Variants in TAFA5 observed in about 807,000 individuals in gnomAD.
The protein encoded by TAFA5 is chemokine-like protein TAFA-5.
In TAFA5, 6 loss-of-function variants were observed where a neutral mutation model predicts 15.3. The observed-to-expected ratio is 0.39, with a 90% confidence interval of 0.21 to 0.77. The LOEUF (loss-of-function observed/expected upper bound fraction) is 0.77, where lower values mean the gene tolerates loss of function less well. TAFA5 is among the 30% of genes least tolerant of loss of function. The pLI, the probability that TAFA5 is intolerant of heterozygous loss-of-function variation, is 0.41. For synonymous variants in TAFA5, 103 were observed against 80.7 expected, an observed-to-expected ratio of 1.28 and a Z score of -1.48; for missense variants, 161 against 193.1, an observed-to-expected ratio of 0.83 and a Z score of 0.98.
intron 1 of TAFA5, among the ~76,000 whole-genome samples, chr22:48,585,558 C>T (rs1464612815): frequency 1.3e-5 from 2 of 151,466 alleles, no homozygotes; most frequent in Admixed American, 6.6e-5. Flanking sequence ...CTGCTCATAC[C>T]ACACAGCACA....
chr22:48,732,221 T>C (rs1327078237), intron 3 of TAFA5, among the ~76,000 whole-genome samples: 1 of 151,664 alleles, frequency 6.6e-6, no homozygotes, highest in Non-Finnish European at 1.5e-5. Context: ...GAGGTACTTC[T>C]TGGGGATAAG....
At position 48,568,770 on chromosome 22, in the gene TAFA5, C is replaced by G. The variant is rs1470619741; in HGVS notation, c.113-77827C>G. The stretch of plus-strand genomic sequence containing the variant: ...CCCACGAAGCCCATTGCTTTTTGCC[C>G]CATGCTGCCCCATGAGCCTGGACTG... On this transcript the variant is annotated intron_variant, in intron 1 of 3. Coordinates refer to ENST00000402357, the MANE Select transcript of TAFA5 (RefSeq NM_001082967.3). 4.6e-5 allele frequency among the ~76,000 whole-genome samples: 7 copies of G among 152,162 alleles called. No homozygotes were observed. In the East Asian group the frequency reaches 1.4e-3, roughly 29 times the overall value.
intron 3 of TAFA5, among the ~76,000 whole-genome samples, chr22:48,715,673 G>C (rs1041435745): frequency 6.6e-6 from 1 of 152,196 alleles, no homozygotes; most frequent in Admixed American, 6.5e-5. Context: ...CTGCTGGAGA[G>C]AAGAGGGGAG....
chr22:48,544,638 C>T (rs768583207), intron 1 of TAFA5: 1 of 463,662 alleles, frequency 2.2e-6, no homozygotes. Flanking sequence ...TTTCCACCCC[C>T]CTTCTTAAGG....
chr22:48,619,239 G>C (rs924187951), intron 1 of TAFA5, among the ~76,000 whole-genome samples: 1 of 152,190 alleles, frequency 6.6e-6, no homozygotes, highest in African/African-American at 2.4e-5. Flanking sequence ...TTTGTCTCTA[G>C]AGGGTGCCGT....
intron 2 of TAFA5, among the ~76,000 whole-genome samples, chr22:48,699,925 C>T (rs1928850579): frequency 6.6e-6 from 1 of 152,188 alleles, no homozygotes; most frequent in Admixed American, 6.5e-5. Flanking sequence ...GCACACCCCA[C>T]TGACACATTG....
intron 1 of TAFA5, among the ~76,000 whole-genome samples, chr22:48,603,439 G>A (rs1277151730): frequency 6.6e-6 from 1 of 152,228 alleles, no homozygotes; most frequent in Non-Finnish European, 1.5e-5. Context: ...AGTGGTGCCG[G>A]GTGTCTGACG....
chr22:48,491,058 A>G (rs1928135448), intron 1 of TAFA5, among the ~76,000 whole-genome samples: 1 of 152,140 alleles, frequency 6.6e-6, no homozygotes, highest in African/African-American at 2.4e-5. Flanking sequence ...TGTGGCACCG[A>G]GCGGGGAGGG....
intron 1 of TAFA5, among the ~76,000 whole-genome samples, chr22:48,612,346 C>T (rs1326701619): frequency 2.0e-5 from 3 of 152,204 alleles, no homozygotes; most frequent in Non-Finnish European, 2.9e-5. Context: ...GCAGGCCACG[C>T]GTGTCTCACA....
chr22:48,581,456 A>G (rs1924036703), intron 1 of TAFA5, among the ~76,000 whole-genome samples: 1 of 152,192 alleles, frequency 6.6e-6, no homozygotes. Context: ...ACAGTGCGAG[A>G]AAGCCGTGCG....
chr22:48,645,221 G>A (rs896949191), intron 1 of TAFA5, among the ~76,000 whole-genome samples: 2 of 152,154 alleles, frequency 1.3e-5, no homozygotes, highest in Non-Finnish European at 2.9e-5. Flanking sequence ...ACTGGCTGAG[G>A]GACAAGCTCC....
At chr22:48,664,882 C>A (rs926067244) in intron 2 of TAFA5, among the ~76,000 whole-genome samples, 1 of 152,184 alleles carries the variant, frequency 6.6e-6, no homozygotes, top group Admixed American at 6.5e-5. Context: ...AGTCATTCTG[C>A]GTGATGCTGC....
At chr22:48,541,545 G>C (rs527976576) in intron 1 of TAFA5, among the ~76,000 whole-genome samples, 1 of 152,296 alleles carries the variant, frequency 6.6e-6, no homozygotes, top group East Asian at 1.9e-4. Context: ...CCAGGTGTGA[G>C]GAGCCCAGGC....
chr22:48,530,397 G>A lies in TAFA5; in HGVS notation c.112+40693G>A, dbSNP rs1208726700. Among the ~76,000 whole-genome samples the A allele has an allele frequency of 2.6e-5, 4 of 152,192 alleles. No individual in the cohort carries two copies. Among genetic ancestry groups the A allele is most frequent in the Admixed American group, 6.5e-5 (1 of 15,282 alleles). On this transcript the variant is annotated intron_variant, in intron 1 of 3. Coordinates refer to ENST00000402357, the MANE Select transcript of TAFA5 (RefSeq NM_001082967.3). The surrounding 1 kb of genome is among the most constrained non-coding windows in gnomAD (Gnocchi z 6.0). ...TGGAGCCCAGAGAAGGAATGCACCG[G>A]GCACTGTCGTGGGGCCGGCATTCAA...
intron 1 of TAFA5, among the ~76,000 whole-genome samples, chr22:48,599,753 C>A (rs1175313140): frequency 1.3e-5 from 2 of 152,254 alleles, no homozygotes; most frequent in Non-Finnish European, 2.9e-5. Context: ...TTGCTCATCC[C>A]CAGCACTGCC....
chr22:48,515,830 G>C (rs1023175293), intron 1 of TAFA5, among the ~76,000 whole-genome samples: 1 of 152,132 alleles, frequency 6.6e-6, no homozygotes, highest in Non-Finnish European at 1.5e-5. Flanking sequence ...GCATTGGCCA[G>C]GGGATGGGGG....
chr22:48,681,432 C>A (rs567084062), intron 2 of TAFA5, among the ~76,000 whole-genome samples: 1 of 149,054 alleles, frequency 6.7e-6, no homozygotes, highest in South Asian at 2.1e-4. Context: ...TGCCTGAGCT[C>A]AGGAGTTCAG....
intron 1 of TAFA5, among the ~76,000 whole-genome samples, chr22:48,604,161 C>T (rs999555596): frequency 1.3e-5 from 2 of 152,184 alleles, no homozygotes; most frequent in African/African-American, 4.8e-5. Flanking sequence ...ATTGACGTGC[C>T]CAGCCACACA....
chr22:48,641,515 G>C (rs1172218385), intron 1 of TAFA5, among the ~76,000 whole-genome samples: 1 of 151,794 alleles, frequency 6.6e-6, no homozygotes, highest in East Asian at 1.9e-4. Context: ...CATTCTGATG[G>C]TGGCTGCCCC....
Sources: gnomAD v4.1 joint callset for allele counts (sites outside exome capture counted in the v4.1 genomes callset) on GRCh38, gnomAD v4.1.1 for gene constraint, Gnocchi (gnomAD v3.1) non-coding constraint, MANE v1.5 for transcripts, NCBI Gene and HGNC (gene_info 2026-07-23, HGNC 2026-07-21) for gene names.